EXOC4: variants seen among roughly 807,000 people sequenced by gnomAD.
EXOC4 encodes the protein SEC8-like 1.
A neutral mutation model predicts 107.2 loss-of-function variants in EXOC4; 71 were observed. The ratio of observed to expected loss-of-function variants is 0.66; its 90% CI spans 0.55 to 0.81. The LOEUF (loss-of-function observed/expected upper bound fraction) is 0.81, where lower values mean the gene tolerates loss of function less well. EXOC4 is among the 30% of genes least tolerant of loss of function. EXOC4 has a pLI of 0.00. For missense variants in EXOC4, 1,108 were observed against 1,189.6 expected (o/e 0.93, Z 1.01); for synonymous variants, 456 against 441.2 (o/e 1.03, Z -0.42).
chr7:133,694,561 T>C (rs1668971229), intron 10 of EXOC4, among the ~76,000 whole-genome samples: 2 of 152,180 alleles, frequency 1.3e-5, no homozygotes, highest in Admixed American at 6.5e-5. Flanking sequence ...ATTGAAGATA[T>C]ATTCTCATTT....
chr7:133,283,918 T>G (rs1794216732), intron 2 of EXOC4, among the ~76,000 whole-genome samples: 1 of 152,208 alleles, frequency 6.6e-6, no homozygotes, highest in Non-Finnish European at 1.5e-5. Context: ...TTCCTTTTTG[T>G]GGCTGACTGA....
rs558616680 is a variant in EXOC4 at position 133,770,983 on chromosome 7, T to C, written c.1515-46342T>C. On this transcript the variant is annotated intron_variant, in intron 10 of 17. Coordinates refer to ENST00000253861, the MANE Select transcript of EXOC4 (RefSeq NM_021807.4). ...AGAAGGGATTGTGGCCATACATGAA[T>C]GGACATGTTGTAGCCCAGCAAAAGG... is the stretch of plus-strand genomic sequence containing the variant. 4.6e-5 allele frequency among the ~76,000 whole-genome samples: 7 copies of C among 152,088 alleles called. No individual in the cohort carries two copies. The South Asian group carries it at 1.5e-3, about 32-fold the overall frequency.
At chr7:134,028,944 A>G (rs1795206771) in intron 17 of EXOC4, among the ~76,000 whole-genome samples, 1 of 152,218 alleles carries the variant, frequency 6.6e-6, no homozygotes, top group African/African-American at 2.4e-5. Context: ...TGGCAGATCT[A>G]GCAAAGAGAT....
intron 5 of EXOC4, among the ~76,000 whole-genome samples, chr7:133,319,643 C>T (rs532213751): frequency 8.5e-5 from 13 of 152,058 alleles, no homozygotes; most frequent in Non-Finnish European, 1.8e-4. Flanking sequence ...GCGTGCACCA[C>T]CACACCCAGC....
At chr7:133,300,797 G>A (rs959140596) in intron 3 of EXOC4, among the ~76,000 whole-genome samples, 1 of 152,132 alleles carries the variant, frequency 6.6e-6, no homozygotes, top group Non-Finnish European at 1.5e-5. Context: ...TGTTAGGTTG[G>A]ACCATAGGAA....
chr7:133,744,979 A>T (rs1228605262), intron 10 of EXOC4, among the ~76,000 whole-genome samples: 1 of 152,016 alleles, frequency 6.6e-6, no homozygotes, highest in Admixed American at 6.6e-5. Flanking sequence ...TTTTTTACTT[A>T]AAAAAAAGTT....
chr7:134,004,521 A>AT (rs1794598869), intron 15 of EXOC4, among the ~76,000 whole-genome samples: 1 of 152,188 alleles, frequency 6.6e-6, no homozygotes, highest in Non-Finnish European at 1.5e-5. Context: ...TCTGTTGAAA[A>AT]TTACAATGCT....
chr7:133,975,021 A>G (rs1482977141), intron 14 of EXOC4, among the ~76,000 whole-genome samples: 2 of 82,844 alleles, frequency 2.4e-5, no homozygotes, highest in Non-Finnish European at 4.6e-5. Flanking sequence ...ATAAATTCCT[A>G]TACCTTTTTT....
chr7:133,448,929 A>AC (rs1190905069), intron 7 of EXOC4, among the ~76,000 whole-genome samples: 1 of 151,994 alleles, frequency 6.6e-6, no homozygotes, highest in African/African-American at 2.4e-5. Context: ...ACATGGTGAA[A>AC]CCCCATCTCT....
At chr7:134,041,498 A>C (rs921292630) in intron 17 of EXOC4, among the ~76,000 whole-genome samples, 1 of 152,214 alleles carries the variant, frequency 6.6e-6, no homozygotes, top group Admixed American at 6.5e-5. Context: ...ATCAATTTGA[A>C]TACAACATGT....
At chr7:133,299,686 A>G (rs1794600368) in intron 3 of EXOC4, among the ~76,000 whole-genome samples, 1 of 152,176 alleles carries the variant, frequency 6.6e-6, no homozygotes, top group African/African-American at 2.4e-5. Flanking sequence ...ATAAATTCAC[A>G]AGTAAAGGGC....
chr7:133,364,193 A>G (rs1796197081), intron 6 of EXOC4, among the ~76,000 whole-genome samples: 1 of 151,876 alleles, frequency 6.6e-6, no homozygotes, highest in South Asian at 2.1e-4. Context: ...AGGCCCAATC[A>G]TCATGGCTCA....
intron 17 of EXOC4, among the ~76,000 whole-genome samples, chr7:134,028,197 T>G (rs1466304135): frequency 6.6e-6 from 1 of 152,246 alleles, no homozygotes; most frequent in Non-Finnish European, 1.5e-5. Context: ...AGAGTAACAT[T>G]GCTGTGGACA....
At chr7:133,523,969 T>G (rs981560431) in intron 9 of EXOC4, among the ~76,000 whole-genome samples, 7 of 151,004 alleles carry the variant, frequency 4.6e-5, no homozygotes, top group Non-Finnish European at 8.9e-5. Flanking sequence ...AGTAATGGGA[T>G]GGCTGGGTCA....
intron 7 of EXOC4, among the ~76,000 whole-genome samples, chr7:133,446,464 G>A (rs968562721): frequency 4.6e-5 from 7 of 152,080 alleles, no homozygotes; most frequent in Non-Finnish European, 7.4e-5. Context: ...TCTCTAGTTT[G>A]CTCACTGTTA....
intron 1 of EXOC4, among the ~76,000 whole-genome samples, chr7:133,260,684 G>A (rs1795128783): frequency 6.6e-6 from 1 of 152,130 alleles, no homozygotes; most frequent in Non-Finnish European, 1.5e-5. Flanking sequence ...AACCTGCTGG[G>A]ATTTTGATTG....
At chr7:134,010,074 A>T (rs529831204) in intron 17 of EXOC4, 2 of 152,180 alleles carry the variant, frequency 1.3e-5, no homozygotes, top group Non-Finnish European at 2.9e-5. Context: ...TGGATTTTTG[A>T]CAGGAAATAG....
At chr7:133,406,906 T>C (rs1477437220) in intron 7 of EXOC4, among the ~76,000 whole-genome samples, 1 of 152,242 alleles carries the variant, frequency 6.6e-6, no homozygotes, top group African/African-American at 2.4e-5. Context: ...ATTGATGTCC[T>C]AAAGTGTGTG....
In EXOC4 at chr7:133,367,139, G is replaced by T. The variant is rs543548268; in HGVS notation, c.1008-7689G>T. On this transcript the variant is annotated intron_variant, in intron 6 of 17. Coordinates refer to ENST00000253861, the MANE Select transcript of EXOC4 (RefSeq NM_021807.4). ...CCATTTAAGTCATATTAAGTTAGCG[G>T]TCTACAGCTCAGGGGAGTAATCTGG... is the stretch of plus-strand genomic sequence containing the variant. 1.6e-3 allele frequency among the ~76,000 whole-genome samples: 248 copies of T among 152,318 alleles called. 3 individuals carry two copies. The highest frequency in any genetic ancestry group is 5.6e-3 in the African/African-American group (232 of 41,572).
Sources: allele counts gnomAD v4.1 joint callset (sites outside exome capture counted in the v4.1 genomes callset), GRCh38; gene constraint gnomAD v4.1.1; transcripts MANE v1.5; gene names NCBI Gene and HGNC (gene_info 2026-07-23, HGNC 2026-07-21).